IL1R1: variants seen among roughly 807,000 people sequenced by gnomAD.
The protein encoded by IL1R1 is interleukin 1 receptor type 1, also known as interleukin-1 receptor type 1.
IL1R1 carries 22 observed loss-of-function variants against 50.2 expected under a neutral mutation model. The observed-to-expected ratio is 0.44, with a 90% CI of 0.31 to 0.63. The LOEUF (loss-of-function observed/expected upper bound fraction) is 0.63, where lower values mean the gene tolerates loss of function less well. Among genes scored for constraint, IL1R1 ranks in the 20% least tolerant of loss-of-function variants. The pLI, the probability that IL1R1 is intolerant of heterozygous loss-of-function variation, is 0.07. For missense variants in IL1R1, 509 were observed against 676.2 expected (o/e 0.75, Z 2.74); for synonymous variants, 251 against 236.7 (o/e 1.06, Z -0.55).
At chr2:102,073,269 G>T (rs1334042712) in intron 1 of IL1R1, among the ~76,000 whole-genome samples, 5 of 152,080 alleles carry the variant, frequency 3.3e-5, no homozygotes, top group Non-Finnish European at 7.4e-5. Flanking sequence ...CATAGACAAG[G>T]TTCTTATTCT....
In IL1R1 at chr2:102,176,735, A is replaced by G; in HGVS notation, c.1686A>G (p.Arg562=). The G allele has an allele frequency of 6.2e-7, 1 of 1,614,062 alleles. No homozygotes were observed. The highest frequency in any genetic ancestry group is 8.5e-7 in the Non-Finnish European group (1 of 1,179,932). ...CAGCCACTAAGGAGAAACTGCAAAG[A>G]GAGGCTCACGTGCCTCTCGGGTAGC... ...LSPATKEKLQ[R]EAHVPLG is the part of the protein sequence containing the mutation. The change falls in exon 12 of 12, where the codon AGA becomes AGG. Residue 562 remains arginine, a synonymous_variant. Transcript: ENST00000410023.
chr2:102,123,492 T>C (rs1260672394), intron 1 of IL1R1, among the ~76,000 whole-genome samples: 2 of 152,078 alleles, frequency 1.3e-5, no homozygotes. Context: ...TGTTTATACA[T>C]AGGACAGCCA....
intron 1 of IL1R1, among the ~76,000 whole-genome samples, chr2:102,080,584 T>C (rs574846469): frequency 1.3e-5 from 2 of 152,290 alleles, no homozygotes; most frequent in South Asian, 2.1e-4. Flanking sequence ...AGTGAGGACA[T>C]AGAGAAACTG....
intron 1 of IL1R1, among the ~76,000 whole-genome samples, chr2:102,072,292 C>T (rs1385077389): frequency 6.6e-6 from 1 of 150,988 alleles, no homozygotes; most frequent in Non-Finnish European, 1.5e-5. Context: ...AAAATTCGTA[C>T]ACTTTACATA....
intron 1 of IL1R1, among the ~76,000 whole-genome samples, chr2:102,135,391 T>C (rs1410512721): frequency 6.6e-6 from 1 of 152,236 alleles, no homozygotes; most frequent in Non-Finnish European, 1.5e-5. Context: ...CCCTACAAAG[T>C]ACATGCATTC....
intron 1 of IL1R1, among the ~76,000 whole-genome samples, chr2:102,084,355 A>G (rs887704066): frequency 3.3e-5 from 5 of 152,212 alleles, no homozygotes; most frequent in South Asian, 2.1e-4. Context: ...GACACAATCA[A>G]TAACTAAAAT....
At chr2:102,074,616 C>T (rs1416183613) in intron 1 of IL1R1, among the ~76,000 whole-genome samples, 2 of 152,200 alleles carry the variant, frequency 1.3e-5, no homozygotes, top group East Asian at 3.8e-4. Context: ...GGGAGGAAAA[C>T]AAACTTCCTC....
At chr2:102,165,756 A>G (rs1685128689) in intron 5 of IL1R1, among the ~76,000 whole-genome samples, 1 of 152,190 alleles carries the variant, frequency 6.6e-6, no homozygotes, top group Admixed American at 6.5e-5. Context: ...ATGGAACTTA[A>G]ATGGGGAATC....
chr2:102,152,581 TG>T (rs2104500410), intron 1 of IL1R1, among the ~76,000 whole-genome samples: 1 of 138,502 alleles, frequency 7.2e-6, no homozygotes, highest in African/African-American at 2.7e-5. Context: ...AGAAGCTTCC[TG>T]GGCCTCCCAA....
chr2:102,075,322 T>C (rs1456973201), intron 1 of IL1R1, among the ~76,000 whole-genome samples: 2 of 152,244 alleles, frequency 1.3e-5, no homozygotes, highest in Non-Finnish European at 2.9e-5. Flanking sequence ...ATGATGAGCA[T>C]GTTGTGACAC....
At chr2:102,161,772 T>C (rs1684751402) in intron 3 of IL1R1, among the ~76,000 whole-genome samples, 1 of 152,174 alleles carries the variant, frequency 6.6e-6, no homozygotes, top group Non-Finnish European at 1.5e-5. Flanking sequence ...CGATCTCGGC[T>C]CACAGCAACC....
intron 6 of IL1R1, among the ~76,000 whole-genome samples, chr2:102,168,038 CAT>C (rs924130279): frequency 4.6e-5 from 7 of 152,092 alleles, no homozygotes; most frequent in Non-Finnish European, 8.8e-5. Flanking sequence ...TATAGTTTCT[CAT>C]AGTTTCTTCA....
intron 1 of IL1R1, among the ~76,000 whole-genome samples, chr2:102,098,393 C>T (rs1478945912): frequency 1.3e-5 from 2 of 151,876 alleles, no homozygotes; most frequent in Non-Finnish European, 2.9e-5. Flanking sequence ...AGTTGCTGGC[C>T]AATGCAGCAA....
At position 102,120,664 on chromosome 2, in the gene IL1R1, C is replaced by T. The variant is rs1250176537; in HGVS notation, c.-84+15792C>T. On this transcript the variant is annotated intron_variant, in intron 1 of 10. Transcript: ENST00000409329. ...GTATAATGAAACACAAATTTGCTCT[C>T]AATTCAGGTTTCCTGAAGCAGAAGC... Among the ~76,000 whole-genome samples the T allele has an allele frequency of 1.3e-5, 2 of 152,188 alleles. 1 individual carries two copies. Among genetic ancestry groups the T allele is most frequent in the Non-Finnish European group, 2.9e-5 (2 of 68,024 alleles).
chr2:102,166,095 C>T lies in IL1R1; in HGVS notation c.487-18C>T, dbSNP rs923813352. The T allele has an allele frequency of 7.5e-6, 12 of 1,602,334 alleles. No individual in the cohort carries two copies. The highest frequency in any genetic ancestry group is 6.7e-5 in the East Asian group (3 of 44,652). ...TATTGGTTATTGGTTTTCAATGCTT[C>T]TCTCTCCCTTTATCTAGGATTGCAA... On this transcript the variant is annotated intron_variant, in intron 5 of 11. Transcript: ENST00000410023.
In IL1R1 at chr2:102,150,889, C is replaced by T. The variant is rs376874053; in HGVS notation, c.-83-3052C>T. On this transcript the variant is annotated intron_variant, in intron 1 of 11. Coordinates refer to ENST00000410023, the MANE Select transcript of IL1R1 (RefSeq NM_000877.4). ...TGCTTGAAGGCTGAACAGGGGGAAC[C>T]GTATGCTATGGCTTATTAATGTATT... 1.3e-4 allele frequency among the ~76,000 whole-genome samples: 20 copies of T among 152,160 alleles called. No homozygotes were observed. In the East Asian group the frequency reaches 3.3e-3, roughly 25 times the overall value.
intron 9 of IL1R1, among the ~76,000 whole-genome samples, 178 bp downstream of exon 9, chr2:102,173,016 C>T (rs953964747): frequency 6.6e-6 from 1 of 152,150 alleles, no homozygotes; most frequent in Admixed American, 6.6e-5. Context: ...GCTTTTCTGT[C>T]CTGCTGCCTG....
intron 1 of IL1R1, among the ~76,000 whole-genome samples, chr2:102,152,376 G>A (rs905162164): frequency 6.6e-6 from 1 of 151,382 alleles, no homozygotes; most frequent in Non-Finnish European, 1.5e-5. Flanking sequence ...GTGGTGGCAG[G>A]CACCTGTAGT....
chr2:102,122,438 A>T (rs1681454490), intron 1 of IL1R1, among the ~76,000 whole-genome samples: 1 of 152,210 alleles, frequency 6.6e-6, no homozygotes, highest in African/African-American at 2.4e-5. Flanking sequence ...TGCGCACAGA[A>T]TAATGAGTGA....
Sources: gnomAD v4.1 joint callset for allele counts (sites outside exome capture counted in the v4.1 genomes callset) on GRCh38, gnomAD v4.1.1 for gene constraint, MANE v1.5 for transcripts, NCBI Gene and HGNC (gene_info 2026-07-23, HGNC 2026-07-21) for gene names.